KDM4C: variants seen among roughly 807,000 people sequenced by gnomAD.
KDM4C encodes the protein lysine-specific demethylase 4C.
In KDM4C, 81 loss-of-function variants were observed where a neutral mutation model predicts 129.3. The ratio of observed to expected loss-of-function variants is 0.63; its 90% CI spans 0.52 to 0.75. The LOEUF (loss-of-function observed/expected upper bound fraction) is 0.75, where lower values mean the gene tolerates loss of function less well. Ranked by LOEUF, KDM4C falls within the 30% of genes least tolerant of loss-of-function variation. KDM4C has a pLI of 0.00. For synonymous variants in KDM4C, 573 were observed against 456.1 expected (o/e 1.26, Z -3.26); for missense variants, 1,457 against 1,304.0 (o/e 1.12, Z -1.81).
intron 19 of KDM4C, among the ~76,000 whole-genome samples, chr9:7,163,784 T>G (rs1340323967): frequency 2.0e-5 from 3 of 152,196 alleles, no homozygotes; most frequent in Non-Finnish European, 4.4e-5. Context: ...CCACATGCCC[T>G]GAGGTCAAGT....
intron 5 of KDM4C, among the ~76,000 whole-genome samples, chr9:6,858,930 T>G (rs921117575): frequency 6.6e-6 from 1 of 152,176 alleles, no homozygotes; most frequent in African/African-American, 2.4e-5. Context: ...ATTTAATATT[T>G]GTTATGCAAA....
At chr9:6,898,575 C>G (rs7043480) in intron 8 of KDM4C, among the ~76,000 whole-genome samples, 3,401 of 152,246 alleles carry the variant, frequency 0.022, 55 homozygotes, top group African/African-American at 0.029. Context: ...TACTACCTTA[C>G]TATCTAATTT....
At chr9:6,818,307 A>T (rs62568866) in intron 4 of KDM4C, among the ~76,000 whole-genome samples, 9,946 of 152,170 alleles carry the variant, frequency 0.065, 483 homozygotes, top group Non-Finnish European at 0.1. Context: ...TACATGGTGG[A>T]TTTTTGTTCG....
chr9:6,805,634 C>G lies in KDM4C; in HGVS notation c.180C>G (p.Cys60Trp). 6.2e-7 allele frequency: 1 copy of G among 1,613,846 alleles called. No individual in the cohort carries two copies. The highest frequency in any genetic ancestry group is 8.5e-7 in the Non-Finnish European group (1 of 1,179,890). The change falls in exon 3 of 22, where the codon TGC (cysteine) becomes TGG (tryptophan). Residue 60 changes from cysteine to tryptophan, a missense_variant. Physicochemically the swap from Cys to Trp is radical, Grantham distance 215. Transcript: ENST00000381309. ...CTAAGGAGTGGAAGCCAAGACAGTG[C>G]TATGATGACATTGATAATTTGCTCA... ...IPPKEWKPRQCYDDIDNLLIP... is the reference protein window; with the variant it reads ...IPPKEWKPRQWYDDIDNLLIP...
chr9:6,972,387 C>G (rs535262941), intron 8 of KDM4C, among the ~76,000 whole-genome samples: 1 of 151,998 alleles, frequency 6.6e-6, no homozygotes, highest in East Asian at 1.9e-4. Flanking sequence ...CCCATAAAAT[C>G]AGTTTACATG....
At chr9:6,955,062 C>T (rs891396773) in intron 8 of KDM4C, among the ~76,000 whole-genome samples, 2 of 152,198 alleles carry the variant, frequency 1.3e-5, no homozygotes, top group Non-Finnish European at 2.9e-5. Context: ...ACCCCTCTTC[C>T]TCCCCTTCAG....
At position 7,090,514 on chromosome 9, in the gene KDM4C, A is replaced by G. The variant is rs148518937; in HGVS notation, c.2425-13171A>G. Among the ~76,000 whole-genome samples the G allele has an allele frequency of 1.2e-3, 181 of 152,268 alleles. 1 individual carries two copies. The highest frequency in any genetic ancestry group is 3.8e-3 in the African/African-American group (157 of 41,548). The stretch of plus-strand genomic sequence containing the variant: ...TGTGGGTTCTTGCTAAAAAAAAATA[A>G]TTCCTCTGGTGCTACTTTTAATTTG... On this transcript the variant is annotated intron_variant, in intron 17 of 21. Coordinates refer to ENST00000381309, the MANE Select transcript of KDM4C (RefSeq NM_015061.6).
intron 8 of KDM4C, among the ~76,000 whole-genome samples, chr9:6,899,176 A>G (rs1334845542): frequency 1.3e-5 from 2 of 151,578 alleles, no homozygotes; most frequent in East Asian, 1.9e-4. Context: ...CTTTACTTTT[A>G]AGAGCATCTA....
intron 2 of KDM4C, among the ~76,000 whole-genome samples, chr9:6,793,609 G>A (rs1043333978): frequency 1.3e-5 from 2 of 148,608 alleles, no homozygotes; most frequent in South Asian, 2.1e-4. Context: ...GCGTGATCTC[G>A]GCTCACTGCA....
intron 4 of KDM4C, among the ~76,000 whole-genome samples, chr9:6,836,684 A>G (rs930990218): frequency 6.6e-6 from 1 of 152,200 alleles, no homozygotes; most frequent in African/African-American, 2.4e-5. Context: ...CCTTATTAAA[A>G]ATAGTATCAC....
At chr9:7,077,676 C>T (rs961751505) in intron 17 of KDM4C, among the ~76,000 whole-genome samples, 1 of 152,182 alleles carries the variant, frequency 6.6e-6, no homozygotes, top group Admixed American at 6.5e-5. Flanking sequence ...CTCCCAGGAA[C>T]ACCTTTAAGC....
chr9:7,078,353 T>C (rs993309000), intron 17 of KDM4C, among the ~76,000 whole-genome samples: 4 of 151,896 alleles, frequency 2.6e-5, no homozygotes, highest in Non-Finnish European at 4.4e-5. Flanking sequence ...AGGAAGGACA[T>C]GGACACAGCT....
intron 15 of KDM4C, among the ~76,000 whole-genome samples, chr9:7,031,389 G>C (rs1340166893): frequency 6.6e-6 from 1 of 152,070 alleles, no homozygotes; most frequent in Non-Finnish European, 1.5e-5. Flanking sequence ...TCAAACTCCT[G>C]ACCTCTGGTG....
chr9:6,918,181 C>T (rs1486674328), intron 8 of KDM4C, among the ~76,000 whole-genome samples: 14 of 152,200 alleles, frequency 9.2e-5, no homozygotes, highest in Admixed American at 9.2e-4. Context: ...CTCCCTCTCT[C>T]ATTCTGGTAG....
At chr9:6,896,314 G>A (rs1229423586) in intron 8 of KDM4C, among the ~76,000 whole-genome samples, 1 of 152,032 alleles carries the variant, frequency 6.6e-6, no homozygotes, top group African/African-American at 2.4e-5. Context: ...TGAGGCATTG[G>A]TGGTGATGCC....
At chr9:6,894,750 C>T (rs969112539) in intron 8 of KDM4C, among the ~76,000 whole-genome samples, 3 of 152,140 alleles carry the variant, frequency 2.0e-5, no homozygotes. Context: ...TGGTAGTGCT[C>T]CTCTCTGAAA....
At chr9:7,110,432 T>C (rs1393325670) in intron 18 of KDM4C, among the ~76,000 whole-genome samples, 1 of 152,244 alleles carries the variant, frequency 6.6e-6, no homozygotes, top group Non-Finnish European at 1.5e-5. Flanking sequence ...TTTATATTGT[T>C]CTAACTTGAG....
At chr9:6,800,075 T>G (rs1184764522) in intron 2 of KDM4C, among the ~76,000 whole-genome samples, 3 of 149,846 alleles carry the variant, frequency 2.0e-5, no homozygotes, top group Non-Finnish European at 3.0e-5. Flanking sequence ...AAAAAATAAA[T>G]AAATAAAAAA....
At chr9:7,078,501 T>C (rs1328043188) in intron 17 of KDM4C, among the ~76,000 whole-genome samples, 1 of 152,140 alleles carries the variant, frequency 6.6e-6, no homozygotes, top group Non-Finnish European at 1.5e-5. Context: ...ATATTCATGT[T>C]CTCCTTAATG....
Sources: allele counts gnomAD v4.1 joint callset (sites outside exome capture counted in the v4.1 genomes callset), GRCh38; gene constraint gnomAD v4.1.1; transcripts MANE v1.5; gene names NCBI Gene and HGNC (gene_info 2026-07-23, HGNC 2026-07-21).